The following UBE2R2 variants were observed in gnomAD, a reference collection of about 807,000 sequenced individuals.
The protein encoded by UBE2R2 is ubiquitin-conjugating enzyme E2 R2.
A neutral mutation model predicts 27.8 loss-of-function variants in UBE2R2; 1 was observed. The observed-to-expected ratio is 0.04, with a 90% CI of 0.01 to 0.17. The LOEUF (loss-of-function observed/expected upper bound fraction) is 0.17, where lower values mean the gene tolerates loss of function less well. UBE2R2 is among the 10% of genes least tolerant of loss of function. UBE2R2 has a pLI of 1.00. For missense variants in UBE2R2, 100 were observed against 291.0 expected (o/e 0.34, Z 4.78); for synonymous variants, 106 against 113.3 (o/e 0.94, Z 0.41).
In UBE2R2 at chr9:33,869,277, CAT is replaced by C. The variant is rs149142596; in HGVS notation, c.178-17603_178-17602del. The stretch of plus-strand genomic sequence containing the variant: ...GACCCTGTCTCAAAACAAACAAAAA[CAT>C]GTAATTTTTTTTGTCATTGCTGAAA... On this transcript the variant is annotated intron_variant, in intron 1 of 4. Coordinates refer to ENST00000263228, the MANE Select transcript of UBE2R2 (RefSeq NM_017811.4). Among the ~76,000 whole-genome samples the C allele has an allele frequency of 5.1e-3, 782 of 152,148 alleles. 5 individuals carry two copies. The highest frequency in any genetic ancestry group is 7.9e-3 in the Non-Finnish European group (540 of 68,000).
At chr9:33,863,616 AATT>A (rs1477067282) in intron 1 of UBE2R2, among the ~76,000 whole-genome samples, 6 of 152,198 alleles carry the variant, frequency 3.9e-5, no homozygotes, top group Non-Finnish European at 8.8e-5. Context: ...TATGTTTTGG[AATT>A]ATTATCATTT....
intron 1 of UBE2R2, among the ~76,000 whole-genome samples, chr9:33,877,149 A>G (rs1821621967): frequency 1.3e-5 from 2 of 151,448 alleles, no homozygotes; most frequent in African/African-American, 2.4e-5. Context: ...AATAAAGTCA[A>G]AAGGGTCACA....
intron 1 of UBE2R2, among the ~76,000 whole-genome samples, chr9:33,877,823 G>GTCTCTCTCTCTC (rs1554675184): frequency 3.7e-4 from 48 of 131,120 alleles, no homozygotes; most frequent in African/African-American, 1.4e-3. Flanking sequence ...CTGTCTGTCT[G>GTCTCTCTCTCTC]TCTCTCTCTC....
In UBE2R2 at chr9:33,892,930, T is replaced by C. The variant is rs960723285; in HGVS notation, c.264+5963T>C. On this transcript the variant is annotated intron_variant, in intron 2 of 4. Coordinates refer to ENST00000263228, the MANE Select transcript of UBE2R2 (RefSeq NM_017811.4). Reference sequence around the variant, plus strand: ...CCTTATTAAAAAAAAAAGAATTTATTGAGATGAAATTCACATACATAAAAT... The same window carrying C: ...CCTTATTAAAAAAAAAAGAATTTATCGAGATGAAATTCACATACATAAAAT... Among the ~76,000 whole-genome samples, 4 of 152,056 alleles carry C rather than the reference T, an allele frequency of 2.6e-5. No homozygotes were observed. The East Asian group carries it at 7.7e-4, about 29-fold the overall frequency.
At chr9:33,892,404 A>C (rs960754493) in intron 2 of UBE2R2, among the ~76,000 whole-genome samples, 1 of 152,202 alleles carries the variant, frequency 6.6e-6, no homozygotes, top group Non-Finnish European at 1.5e-5. Flanking sequence ...AATAGACATT[A>C]ATTTTTAGAG....
rs544206798 is a variant in UBE2R2 at position 33,863,188 on chromosome 9, C to CAA, written c.178-23678_178-23677dup. Among the ~76,000 whole-genome samples, 812 of 105,990 alleles carry CAA rather than the reference C, an allele frequency of 7.7e-3. 7 individuals are homozygous for CAA. Among genetic ancestry groups the CAA allele is most frequent in the African/African-American group, 0.024 (684 of 29,022 alleles). The allele number at this position is 105,990 out of a possible 152,430, so 69.5% of individuals were successfully genotyped here. A position where few individuals can be genotyped will look rare whatever the true frequency, so the allele number is the denominator to read the frequency against. On this transcript the variant is annotated intron_variant, in intron 1 of 4. Coordinates refer to ENST00000263228, the MANE Select transcript of UBE2R2 (RefSeq NM_017811.4). ...CCTGTGCAACAGAGCGAGACTCCCTCAAAAAAAAAAAAAAAAGAAGAAGAA... is the reference window on the plus strand; with the variant it reads ...CCTGTGCAACAGAGCGAGACTCCCTCAAAAAAAAAAAAAAAAAAGAAGAAGAA...
intron 1 of UBE2R2, among the ~76,000 whole-genome samples, chr9:33,828,008 A>T (rs914098367): frequency 1.6e-4 from 24 of 151,516 alleles, no homozygotes; most frequent in Middle Eastern, 6.8e-3. Context: ...AATTAATAAA[A>T]TTAAAAATTA....
At chr9:33,817,030 G>A (rs1456662587), upstream of UBE2R2, among the ~76,000 whole-genome samples, 4 of 151,616 alleles carry the variant, frequency 2.6e-5, no homozygotes, top group Non-Finnish European at 5.9e-5. Flanking sequence ...TGGTAGTGGA[G>A]GAGAGCCAGG....
intron 1 of UBE2R2, among the ~76,000 whole-genome samples, chr9:33,881,883 A>T (rs1821738058): frequency 6.6e-6 from 1 of 152,166 alleles, no homozygotes; most frequent in Non-Finnish European, 1.5e-5. Context: ...TGAGTCATTA[A>T]ATCCAGCCCA....
At chr9:33,855,004 CAT>C (rs1821068114) in intron 1 of UBE2R2, among the ~76,000 whole-genome samples, 1 of 112,130 alleles carries the variant, frequency 8.9e-6, no homozygotes, top group Non-Finnish European at 1.9e-5. Flanking sequence ...CAATGATGGG[CAT>C]GATAGTTAAT....
chr9:33,843,693 G>C (rs1393151176), intron 1 of UBE2R2, among the ~76,000 whole-genome samples: 7 of 152,038 alleles, frequency 4.6e-5, no homozygotes. Context: ...TGTCCAGGCT[G>C]ATCTTGAACT....
intron 1 of UBE2R2, among the ~76,000 whole-genome samples, chr9:33,829,840 G>T (rs1016495225): frequency 7.6e-6 from 1 of 131,800 alleles, no homozygotes; most frequent in African/African-American, 2.9e-5. Context: ...TAGTTGCCCA[G>T]ACTGGAGTGC....
At chr9:33,890,063 G>T (rs1044915646) in intron 2 of UBE2R2, among the ~76,000 whole-genome samples, 1 of 152,052 alleles carries the variant, frequency 6.6e-6, no homozygotes, top group Non-Finnish European at 1.5e-5. Context: ...AAAAGAAACA[G>T]AAAAATAGGA....
At chr9:33,901,119 C>A (rs1822236563) in intron 3 of UBE2R2, among the ~76,000 whole-genome samples, 1 of 152,108 alleles carries the variant, frequency 6.6e-6, no homozygotes, top group African/African-American at 2.4e-5. Context: ...CCATACCTAG[C>A]TATTAAGCAA....
At chr9:33,838,364 T>TTA (rs1820660598) in intron 1 of UBE2R2, among the ~76,000 whole-genome samples, 1 of 151,672 alleles carries the variant, frequency 6.6e-6, no homozygotes. Flanking sequence ...TATATAATGT[T>TTA]TATATATATG....
intron 1 of UBE2R2, among the ~76,000 whole-genome samples, chr9:33,858,341 G>A (rs1821152880): frequency 6.6e-6 from 1 of 152,110 alleles, no homozygotes; most frequent in Admixed American, 6.6e-5. Flanking sequence ...AAAATAGGAA[G>A]GTAGAGAACA....
intron 3 of UBE2R2, among the ~76,000 whole-genome samples, chr9:33,911,346 A>T (rs1004185749): frequency 8.3e-6 from 1 of 120,420 alleles, no homozygotes; most frequent in African/African-American, 3.2e-5. Flanking sequence ...TGGGATGTGG[A>T]GGTTGCGATC....
intron 1 of UBE2R2, among the ~76,000 whole-genome samples, chr9:33,883,713 CAAAAAA>C (rs1158414910): frequency 1.3e-5 from 1 of 75,198 alleles, no homozygotes; most frequent in Non-Finnish European, 2.5e-5. Context: ...GACTCTGTCT[CAAAAAA>C]AAAAAAAAAA....
intron 1 of UBE2R2, among the ~76,000 whole-genome samples, chr9:33,848,897 C>T (rs944008277): frequency 6.6e-6 from 1 of 152,004 alleles, no homozygotes; most frequent in Non-Finnish European, 1.5e-5. Context: ...AGCTACCACA[C>T]CCGCCGAGTC....
Sources: allele counts gnomAD v4.1 joint callset (sites outside exome capture counted in the v4.1 genomes callset), GRCh38; gene constraint gnomAD v4.1.1; transcripts MANE v1.5; gene names NCBI Gene and HGNC (gene_info 2026-07-23, HGNC 2026-07-21).